STXBP4: variants seen among roughly 807,000 people sequenced by gnomAD.
STXBP4 encodes syntaxin-binding protein 4.
Under a neutral mutation model 76.1 loss-of-function variants are expected in STXBP4, and 55 were observed. The ratio of observed to expected loss-of-function variants is 0.72; its 90% CI spans 0.58 to 0.91. The LOEUF (loss-of-function observed/expected upper bound fraction) is 0.91, where lower values mean the gene tolerates loss of function less well. Among genes scored for constraint, STXBP4 ranks in the 40% least tolerant of loss-of-function variants. The pLI, the probability that STXBP4 is intolerant of heterozygous loss-of-function variation, is 0.00. For synonymous variants in STXBP4, 201 were observed against 220.2 expected (o/e 0.91, Z 0.77); for missense variants, 618 against 636.9 (o/e 0.97, Z 0.32).
chr17:55,169,133 G>A lies in STXBP4; in HGVS notation c.*9222G>A, dbSNP rs1019556188. 3.3e-5 allele frequency: 5 copies of A among 152,076 alleles called. No individual in the cohort carries two copies. The highest frequency in any genetic ancestry group is 7.4e-5 in the Non-Finnish European group (5 of 68,012). The allele number at this position is 152,076 out of a possible 1,614,324, so 9.4% of individuals were successfully genotyped here. A position where few individuals can be genotyped will look rare whatever the true frequency, so the allele number is the denominator to read the frequency against. ...TGACATAAGGATTTATGTGAATTAG[G>A]AAGTGGCCCAAGGGTGAAAAGTAAT... On this transcript the variant is annotated 3_prime_UTR_variant, in exon 18 of 18. Transcript: ENST00000376352.
At chr17:54,975,022 T>C (rs1336251712) in intron 1 of STXBP4, among the ~76,000 whole-genome samples, 1 of 152,232 alleles carries the variant, frequency 6.6e-6, no homozygotes, top group East Asian at 1.9e-4. Flanking sequence ...CCATGTCTTC[T>C]GGAAAGGCTT....
chr17:55,024,113 C>T (rs1378364862), intron 8 of STXBP4, among the ~76,000 whole-genome samples: 1 of 152,136 alleles, frequency 6.6e-6, no homozygotes, highest in African/African-American at 2.4e-5. Flanking sequence ...GTACAATTGC[C>T]TACTCATTAA....
At chr17:54,993,155 C>T (rs1326521824) in intron 4 of STXBP4, among the ~76,000 whole-genome samples, 1 of 152,150 alleles carries the variant, frequency 6.6e-6, no homozygotes, top group Non-Finnish European at 1.5e-5. Flanking sequence ...AGAAATTATT[C>T]TTATGATATC....
At chr17:55,097,484 A>G (rs1458948343) in intron 16 of STXBP4, among the ~76,000 whole-genome samples, 1 of 152,164 alleles carries the variant, frequency 6.6e-6, no homozygotes, top group Non-Finnish European at 1.5e-5. Flanking sequence ...TAACACGGTG[A>G]AACCCCGTCT....
rs2078111719 is a variant in STXBP4 at position 55,011,513 on chromosome 17, T to TC, written c.666+3916_666+3917insC. Among the ~76,000 whole-genome samples the TC allele has an allele frequency of 2.1e-5, 3 of 143,172 alleles. 1 individual carries two copies. In the East Asian group the frequency reaches 6.1e-4, roughly 29 times the overall value. 93.9% of individuals were successfully genotyped at this position (143,172 alleles called of 152,430 possible). A position where few individuals can be genotyped will look rare whatever the true frequency, so the allele number is the denominator to read the frequency against. On this transcript the variant is annotated intron_variant, in intron 8 of 17. Coordinates refer to ENST00000376352, the MANE Select transcript of STXBP4 (RefSeq NM_178509.6). ...AAAGAGTTTATTTTCTTTTTCTTTT[T>TC]TTTTTTTTTTTTGCAGTTGCAAGAT...
At chr17:55,145,766 C>G (rs1451165945) in intron 17 of STXBP4, among the ~76,000 whole-genome samples, 1 of 151,936 alleles carries the variant, frequency 6.6e-6, no homozygotes, top group Non-Finnish European at 1.5e-5. Context: ...TGTATATATG[C>G]ATATATGCAG....
Position 55,162,187 on chromosome 17 carries a change from T to G in STXBP4, c.*2276T>G, listed in dbSNP as rs1197742149. ...TCCCTCTTCATAAAGCTTCCGTGAC[T>G]TCTAAACCATCAGGTCGGTGCCATA... On this transcript the variant is annotated 3_prime_UTR_variant, in exon 18 of 18. Coordinates refer to ENST00000376352, the MANE Select transcript of STXBP4 (RefSeq NM_178509.6). The G allele has an allele frequency of 6.6e-6, 1 of 152,220 alleles. No homozygotes were observed. Among genetic ancestry groups the G allele is most frequent in the Non-Finnish European group, 1.5e-5 (1 of 68,038 alleles). The allele number at this position is 152,220 out of a possible 1,614,324, so 9.4% of individuals were successfully genotyped here. A position where few individuals can be genotyped will look rare whatever the true frequency, so the allele number is the denominator to read the frequency against.
In STXBP4 at chr17:55,023,087, A is replaced by G. The variant is rs72833256; in HGVS notation, c.667-8081A>G. Among the ~76,000 whole-genome samples, 1,425 of 152,328 alleles carry G rather than the reference A, an allele frequency of 9.4e-3. 5 individuals carry two copies. Among genetic ancestry groups the G allele is most frequent in the Non-Finnish European group, 0.015 (989 of 68,034 alleles). ...TTACAGCCATAAATGTTTAACTTGG[A>G]GTTTATGAGCCCCAGAAATTCTAGA... On this transcript the variant is annotated intron_variant, in intron 8 of 17. Transcript: ENST00000376352.
At chr17:55,011,732 G>A (rs962997472) in intron 8 of STXBP4, among the ~76,000 whole-genome samples, 7 of 151,996 alleles carry the variant, frequency 4.6e-5, no homozygotes, top group Admixed American at 3.9e-4. Flanking sequence ...GATTCGTCGG[G>A]TGTGAGATAA....
At chr17:55,039,284 G>A (rs551157502) in intron 10 of STXBP4, among the ~76,000 whole-genome samples, 9 of 152,072 alleles carry the variant, frequency 5.9e-5, no homozygotes, top group African/African-American at 2.2e-4. Flanking sequence ...TGAGTAGGGA[G>A]TGATAAAAGT....
At chr17:55,032,666 C>G (rs2078529960) in intron 9 of STXBP4, among the ~76,000 whole-genome samples, 1 of 152,122 alleles carries the variant, frequency 6.6e-6, no homozygotes, top group Non-Finnish European at 1.5e-5. Context: ...GAAGTATATT[C>G]CTTTGAGAAA....
chr17:55,153,999 A>G (rs2080246485), intron 17 of STXBP4, among the ~76,000 whole-genome samples: 1 of 152,204 alleles, frequency 6.6e-6, no homozygotes, highest in Non-Finnish European at 1.5e-5. Flanking sequence ...GTCTTGCTTG[A>G]CAGTGATCTA....
At chr17:55,185,802 A>G in the STXBP4 span, among the ~76,000 whole-genome samples, 1 of 152,330 alleles carries the variant, frequency 6.6e-6, no homozygotes, top group East Asian at 1.9e-4. Flanking sequence ...CACAGAATTA[A>G]TGGTTGACCC....
chr17:54,986,352 C>G lies in STXBP4; in HGVS notation c.47+86C>G, dbSNP rs539989129. 5.1e-6 allele frequency: 5 copies of G among 988,452 alleles called. No homozygotes were observed. In the South Asian group the frequency reaches 6.0e-5, roughly 12 times the overall value. 61.2% of individuals were successfully genotyped at this position (988,452 alleles called of 1,614,324 possible). ...CATTTGATTAAAAGTTTTTTTACAT[C>G]TAGCTCTCTAATGTGGTCTAGGATA... On this transcript the variant is annotated intron_variant, in intron 3 of 17. Coordinates refer to ENST00000376352, the MANE Select transcript of STXBP4 (RefSeq NM_178509.6).
At chr17:55,050,855 A>T (rs1227120592) in intron 12 of STXBP4, among the ~76,000 whole-genome samples, 5 of 151,844 alleles carry the variant, frequency 3.3e-5, no homozygotes, top group Non-Finnish European at 5.9e-5. Flanking sequence ...TTTAGTAGAG[A>T]TGCAGTTTTG....
In STXBP4 at chr17:55,166,421, A is replaced by G. The variant is rs1472301457; in HGVS notation, c.*6510A>G. On this transcript the variant is annotated 3_prime_UTR_variant, in exon 18 of 18. Transcript: ENST00000376352. ...CTTTCTATAACACAAAATTGCTTCT[A>G]TTCCTCCCTTGCTAGTCTTCAGTAG... 6.6e-6 allele frequency: 1 copy of G among 152,102 alleles called. No individual in the cohort carries two copies. The highest frequency in any genetic ancestry group is 1.5e-5 in the Non-Finnish European group (1 of 68,018). 9.4% of individuals were successfully genotyped at this position (152,102 alleles called of 1,614,324 possible). A position where few individuals can be genotyped will look rare whatever the true frequency, so the allele number is the denominator to read the frequency against.
chr17:55,078,542 G>A lies in STXBP4; in HGVS notation c.1306-144G>A, dbSNP rs2079216568. 8.4e-6 allele frequency: 5 copies of A among 592,358 alleles called. No homozygotes were observed. The South Asian group carries it at 1.2e-4, about 15-fold the overall frequency. The allele number at this position is 592,358 out of a possible 1,614,324, so 36.7% of individuals were successfully genotyped here. A position where few individuals can be genotyped will look rare whatever the true frequency, so the allele number is the denominator to read the frequency against. Reference sequence around the variant, plus strand: ...TATTTCTGAGTAAAACTGCATGTTAGTTCAATTGTTTGCACCCCCGCTACA... The same window carrying A: ...TATTTCTGAGTAAAACTGCATGTTAATTCAATTGTTTGCACCCCCGCTACA... On this transcript the variant is annotated intron_variant, in intron 14 of 17. Coordinates refer to ENST00000376352, the MANE Select transcript of STXBP4 (RefSeq NM_178509.6).
intron 10 of STXBP4, among the ~76,000 whole-genome samples, chr17:55,035,435 A>C (rs1488442237): frequency 6.6e-6 from 1 of 151,790 alleles, no homozygotes; most frequent in Non-Finnish European, 1.5e-5. Flanking sequence ...TTTCTCTGTT[A>C]GCTCTTATTT....
the STXBP4 span, among the ~76,000 whole-genome samples, chr17:55,178,810 A>G: frequency 6.6e-6 from 1 of 152,180 alleles, no homozygotes; most frequent in African/African-American, 2.4e-5. Flanking sequence ...AGAGAGAAAG[A>G]AATCTTTCTT....
Sources: allele counts gnomAD v4.1 joint callset (sites outside exome capture counted in the v4.1 genomes callset), GRCh38; gene constraint gnomAD v4.1.1; transcripts MANE v1.5; gene names NCBI Gene and HGNC (gene_info 2026-07-23, HGNC 2026-07-21).